Variants in RHOT1 observed in about 807,000 individuals in gnomAD.
RHOT1 encodes mitochondrial Rho GTPase 1.
In RHOT1, 27 loss-of-function variants were observed where a neutral mutation model predicts 95.3. The ratio of observed to expected loss-of-function variants is 0.28; its 90% CI spans 0.21 to 0.39. The LOEUF (loss-of-function observed/expected upper bound fraction) is 0.39, where lower values mean the gene tolerates loss of function less well. Ranked by LOEUF, RHOT1 falls within the 10% of genes least tolerant of loss-of-function variation. The pLI is 1.00. For synonymous variants in RHOT1, 227 were observed against 263.5 expected (o/e 0.86, Z 1.34); for missense variants, 578 against 786.7 (o/e 0.73, Z 3.17).
chr17:32,175,503 A>T, intron 4 of RHOT1, 141 bp downstream of exon 4: 1 of 847,200 alleles, frequency 1.2e-6, no homozygotes, highest in Non-Finnish European at 1.9e-6. Flanking sequence ...CCACTCTGTC[A>T]CCCAGTGCAG....
In RHOT1 at chr17:32,224,635, C is replaced by A. The variant is rs2039036115; in HGVS notation, c.1882C>A (p.Leu628Ile). The change falls in exon 20 of 20, where the codon CTC (leucine) becomes ATC (isoleucine). Residue 628 changes from leucine to isoleucine, a missense_variant. This residue lies in a region of RHOT1 where 296 missense variants were observed against 338.5 expected (regional missense o/e 0.87). Transcript: ENST00000545287. ...CTGCAGGCACGTGACACAAGCTGAC[C>A]TCAAGAGCTCCACGTTTTGGCTTCG... ...VLNRHVTQAD[L>I]KSSTFWLRAS... The A allele has an allele frequency of 6.2e-7, 1 of 1,613,074 alleles. No individual in the cohort carries two copies. Among genetic ancestry groups the A allele is most frequent in the East Asian group, 2.2e-5 (1 of 44,816 alleles).
chr17:32,147,639 G>A (rs1327338972), intron 1 of RHOT1, among the ~76,000 whole-genome samples: 1 of 151,918 alleles, frequency 6.6e-6, no homozygotes, highest in Non-Finnish European at 1.5e-5. Flanking sequence ...GACTGACATG[G>A]TGAAACCCTG....
chr17:32,206,449 T>C (rs2037750904), intron 16 of RHOT1, among the ~76,000 whole-genome samples: 1 of 118,706 alleles, frequency 8.4e-6, no homozygotes, highest in African/African-American at 3.3e-5. Flanking sequence ...TTCTTTTTTT[T>C]TTTTTTTTTT....
At chr17:32,224,444 A>G (rs1476968489) in intron 19 of RHOT1, among the ~76,000 whole-genome samples, 172 bp from the exon 20 acceptor site, 1 of 152,224 alleles carries the variant, frequency 6.6e-6, no homozygotes, top group African/African-American at 2.4e-5. Context: ...TAAAGTAATG[A>G]TTAAGTAATT....
intron 8 of RHOT1, among the ~76,000 whole-genome samples, chr17:32,191,222 T>C (rs1478962297): frequency 6.6e-6 from 1 of 152,218 alleles, no homozygotes; most frequent in South Asian, 2.1e-4. Context: ...ATAGAAGGGG[T>C]TAACTGTGTA....
intron 6 of RHOT1, 134 bp downstream of exon 6, chr17:32,176,347 T>C (rs112512412): frequency 2.9e-6 from 2 of 685,794 alleles, no homozygotes; most frequent in Non-Finnish European, 4.9e-6. Context: ...ACGTTTGCCT[T>C]ATCTATCAGT....
chr17:32,151,940 GT>G (rs2032358235), intron 1 of RHOT1, among the ~76,000 whole-genome samples: 1 of 150,672 alleles, frequency 6.6e-6, no homozygotes, highest in African/African-American at 2.4e-5. Flanking sequence ...AGAGATTCAC[GT>G]TCTTTGATTT....
At chr17:32,221,292 T>A (rs962553904) in intron 19 of RHOT1, 1 of 150,246 alleles carries the variant, frequency 6.7e-6, no homozygotes, top group African/African-American at 2.5e-5. Flanking sequence ...CATTTGAACT[T>A]GGGAGGCGGA....
chr17:32,176,607 C>G (rs962749071), intron 6 of RHOT1, among the ~76,000 whole-genome samples: 1 of 151,410 alleles, frequency 6.6e-6, no homozygotes, highest in African/African-American at 2.4e-5. Flanking sequence ...GAGTCTTGCT[C>G]TGTCGCCCAG....
At chr17:32,174,735 T>C (rs918746064) in intron 3 of RHOT1, among the ~76,000 whole-genome samples, 11 of 152,204 alleles carry the variant, frequency 7.2e-5, no homozygotes, top group African/African-American at 2.7e-4. Context: ...GCTTTGCTCT[T>C]CAATTATTTG....
chr17:32,155,861 T>C (rs756965799), intron 1 of RHOT1, among the ~76,000 whole-genome samples: 3 of 152,130 alleles, frequency 2.0e-5, no homozygotes, highest in Non-Finnish European at 2.9e-5. Flanking sequence ...TTTTAACTTA[T>C]ATTTTCAACT....
At chr17:32,201,078 A>T in intron 14 of RHOT1, 22 bp downstream of exon 14, 1 of 1,387,466 alleles carries the variant, frequency 7.2e-7, no homozygotes, top group South Asian at 1.2e-5. Context: ...GATACTGTTC[A>T]GCTCATGATT....
intron 1 of RHOT1, chr17:32,150,979 C>T: frequency 6.5e-7 from 1 of 1,542,310 alleles, no homozygotes. Flanking sequence ...GCTGCTGCTG[C>T]TGCTTCAATT....
intron 6 of RHOT1, among the ~76,000 whole-genome samples, chr17:32,182,327 T>TAAAA (rs1567688679): frequency 3.3e-5 from 5 of 150,356 alleles, no homozygotes; most frequent in African/African-American, 1.2e-4. Flanking sequence ...AAAAAAAAAT[T>TAAAA]TTTTTTTAAT....
intron 6 of RHOT1, among the ~76,000 whole-genome samples, chr17:32,177,618 G>T (rs2035112301): frequency 2.0e-5 from 3 of 151,616 alleles, no homozygotes; most frequent in Admixed American, 1.3e-4. Context: ...AGCTGGGTGT[G>T]GTGGGAGGCG....
rs34311754 is a variant in RHOT1, at chr17:32,178,211, C to T, written c.329+1998C>T. 2.1e-4 allele frequency among the ~76,000 whole-genome samples: 31 copies of T among 149,624 alleles called. No homozygotes were observed. In the East Asian group the frequency reaches 4.2e-3, roughly 20 times the overall value. On this transcript the variant is annotated intron_variant, in intron 6 of 19. Coordinates refer to ENST00000545287, the MANE Select transcript of RHOT1 (RefSeq NM_001033566.3). ...TGAAATAATAAATGCCCTCCCCCCC[C>T]CCAGTGATCTCCCTCTCTTGCCGAG...
intron 1 of RHOT1, among the ~76,000 whole-genome samples, chr17:32,164,640 TGGATG>T (rs1250472151): frequency 6.6e-6 from 1 of 150,586 alleles, no homozygotes; most frequent in Non-Finnish European, 1.5e-5. Context: ...CTGAGGCAGA[TGGATG>T]TCGAGCCCAG....
intron 1 of RHOT1, among the ~76,000 whole-genome samples, chr17:32,165,336 C>CAAAAAAAAAAAAAAA (rs773728913): frequency 8.7e-5 from 3 of 34,320 alleles, no homozygotes; most frequent in Admixed American, 4.1e-4. Flanking sequence ...GACTCCGTCT[C>CAAAAAAAAAAAAAAA]AAAAAAAAAA....
intron 6 of RHOT1, among the ~76,000 whole-genome samples, chr17:32,181,356 A>AT (rs2035617620): frequency 6.6e-6 from 1 of 151,978 alleles, no homozygotes; most frequent in Admixed American, 6.6e-5. Flanking sequence ...AGATCTACCC[A>AT]TTTTTTTCCA....
Sources: gnomAD v4.1 joint callset for allele counts (sites outside exome capture counted in the v4.1 genomes callset) on GRCh38, gnomAD v4.1.1 for gene constraint, gnomAD v4.1.1 regional missense constraint, MANE v1.5 for transcripts, NCBI Gene and HGNC (gene_info 2026-07-23, HGNC 2026-07-21) for gene names.